The following GATAD2A variants were observed in gnomAD, a reference collection of about 807,000 sequenced individuals.
The protein encoded by GATAD2A is GATA zinc finger domain containing 2A, also known as transcriptional repressor p66-alpha.
Under a neutral mutation model 68.5 loss-of-function variants are expected in GATAD2A, and 12 were observed. That is an observed-to-expected ratio of 0.18 (90% CI 0.11 to 0.28). The LOEUF (loss-of-function observed/expected upper bound fraction) is 0.28. Among genes scored for constraint, GATAD2A ranks in the 10% least tolerant of loss-of-function variants. The probability of loss-of-function intolerance (pLI) is 1.00; values close to 1 mark genes in which losing one functional copy is unlikely to be tolerated. For synonymous variants in GATAD2A, 410 were observed against 375.3 expected (o/e 1.09, Z -1.07); for missense variants, 755 against 868.5 (o/e 0.87, Z 1.64).
chr19:19,430,339 T>A (rs577007449), intron 1 of GATAD2A, among the ~76,000 whole-genome samples: 1 of 152,260 alleles, frequency 6.6e-6, no homozygotes, highest in Admixed American at 6.5e-5. Context: ...TCTTTCCAGA[T>A]TGAGCTGGGG....
rs752614691 is a variant in GATAD2A, at chr19:19,505,486, C to G, written c.*12C>G. Reference sequence around the variant, plus strand: ...CCACGTGGAAATAGTGCGAGCCAGGCCCCGTGGAAGACGGGCTCCCTCCTC... The same window carrying G: ...CCACGTGGAAATAGTGCGAGCCAGGGCCCGTGGAAGACGGGCTCCCTCCTC... On this transcript the variant is annotated 3_prime_UTR_variant, in exon 12 of 12. Coordinates refer to ENST00000683918, the MANE Select transcript of GATAD2A (RefSeq NM_001384528.1). 2.6e-6 allele frequency: 4 copies of G among 1,565,618 alleles called. No individual in the cohort carries two copies. In the Admixed American group the frequency reaches 7.5e-5, roughly 29 times the overall value.
At chr19:19,491,464 G>C (rs759006781) in intron 2 of GATAD2A, among the ~76,000 whole-genome samples, 5 of 152,186 alleles carry the variant, frequency 3.3e-5, no homozygotes, top group Non-Finnish European at 5.9e-5. Context: ...CATGAGAACT[G>C]TCTCATGTTG....
chr19:19,466,538 A>G (rs2052841574), intron 2 of GATAD2A, among the ~76,000 whole-genome samples: 3 of 152,188 alleles, frequency 2.0e-5, no homozygotes, highest in South Asian at 2.1e-4. Context: ...CGTGTCAGCT[A>G]ACCCCACAGG....
chr19:19,471,375 G>GA (rs1251540094), intron 2 of GATAD2A, among the ~76,000 whole-genome samples: 1 of 152,058 alleles, frequency 6.6e-6, no homozygotes, highest in Non-Finnish European at 1.5e-5. Context: ...TAACATGGCT[G>GA]AATCTCAGAC....
chr19:19,393,948 G>A (rs895863987), intron 1 of GATAD2A, among the ~76,000 whole-genome samples: 5 of 151,418 alleles, frequency 3.3e-5, no homozygotes, highest in African/African-American at 7.3e-5. Context: ...GTGCAGTGGC[G>A]TGATCTTGGC....
chr19:19,502,298 G>C (rs1227905614), intron 10 of GATAD2A, 33 bp from the exon 11 acceptor site: 1 of 1,529,940 alleles, frequency 6.5e-7, no homozygotes, highest in African/African-American at 1.4e-5. Flanking sequence ...TCTTTTCCCT[G>C]CATGAGCCGT....
intron 1 of GATAD2A, among the ~76,000 whole-genome samples, chr19:19,448,877 G>A (rs556747875): frequency 6.6e-6 from 1 of 152,300 alleles, no homozygotes; most frequent in South Asian, 2.1e-4. Context: ...ACTTGGGGGT[G>A]AAGACAGGCT....
At position 19,502,332 on chromosome 19, in the gene GATAD2A, C is replaced by A; in HGVS notation, c.1580C>A (p.Ala527Asp). 1 of 1,607,280 alleles carries A rather than the reference C, an allele frequency of 6.2e-7. No homozygotes were observed. ...RDWSNGAVLQASSQLSRGSAT... is the reference protein window; with the variant it reads ...RDWSNGAVLQDSSQLSRGSAT... Reference sequence around the variant, plus strand: ...GTCACCCCCCTTTCTCCACTGCAGGCCTCCAGCCAGCTGTCCCGGGGTTCG... The same window carrying A: ...GTCACCCCCCTTTCTCCACTGCAGGACTCCAGCCAGCTGTCCCGGGGTTCG... Residue 527 changes from alanine to aspartate, a missense_variant and splice_region_variant, in exon 11 of 12, where the codon GCC becomes GAC. Transcript: ENST00000683918.
intron 1 of GATAD2A, chr19:19,429,230 C>G (rs2053451135): frequency 1.0e-6 from 1 of 985,202 alleles, no homozygotes; most frequent in African/African-American, 1.7e-5. Flanking sequence ...AAAGTTCCAG[C>G]ATCGTGGTCC....
upstream of GATAD2A, among the ~76,000 whole-genome samples, chr19:19,400,961 C>T (rs887292780): frequency 4.0e-5 from 6 of 151,696 alleles, no homozygotes; most frequent in East Asian, 2.0e-4. Context: ...GCTAACATGG[C>T]GAAACCCTGT....
chr19:19,466,176 T>C (rs751544636), intron 2 of GATAD2A, among the ~76,000 whole-genome samples: 1 of 152,222 alleles, frequency 6.6e-6, no homozygotes. Context: ...CAAGAGTGAC[T>C]TTCCTCATAT....
chr19:19,487,419 G>A (rs1352245470), intron 2 of GATAD2A, among the ~76,000 whole-genome samples: 2 of 151,922 alleles, frequency 1.3e-5, no homozygotes, highest in African/African-American at 2.4e-5. Flanking sequence ...GGGGAGGGAG[G>A]GCTCATCTTC....
At chr19:19,496,575 C>T (rs936312599) in intron 7 of GATAD2A, among the ~76,000 whole-genome samples, 9 of 152,204 alleles carry the variant, frequency 5.9e-5, no homozygotes, top group Admixed American at 3.9e-4. Context: ...CAGGAGAGGC[C>T]GGTGATGGGC....
chr19:19,420,177 GTTTTTTTT>G (rs71170684), intron 1 of GATAD2A, among the ~76,000 whole-genome samples: 9 of 89,922 alleles, frequency 1.0e-4, no homozygotes, highest in African/African-American at 1.3e-4. Flanking sequence ...TATCCAGCTA[GTTTTTTTT>G]TTTTTTTTTT....
At chr19:19,470,790 G>C (rs2058246901) in intron 2 of GATAD2A, among the ~76,000 whole-genome samples, 1 of 152,202 alleles carries the variant, frequency 6.6e-6, no homozygotes, top group Non-Finnish European at 1.5e-5. Context: ...AGGAGGAAGT[G>C]TAGAAACTGG....
rs148131345 is a variant in GATAD2A at position 19,396,743 on chromosome 19, A to G, written c.-7+10605A>G. Among the ~76,000 whole-genome samples the G allele has an allele frequency of 4.0e-5, 6 of 151,800 alleles. No individual in the cohort carries two copies. The East Asian group carries it at 9.7e-4, about 25-fold the overall frequency. ...TTCTTTTTTTTGAGACAGTCTCGCT[A>G]TGTTGCCCAGGCTGGAGTGCAATGG... On this transcript the variant is annotated intron_variant, in intron 1 of 11. Transcript: ENST00000360315.
chr19:19,448,620 C>T (rs1393541435), intron 1 of GATAD2A, among the ~76,000 whole-genome samples: 1 of 152,110 alleles, frequency 6.6e-6, no homozygotes, highest in Non-Finnish European at 1.5e-5. Context: ...TTCTGGGTAC[C>T]TGGGATTACA....
intron 2 of GATAD2A, among the ~76,000 whole-genome samples, chr19:19,485,050 T>C (rs1231171255): frequency 6.6e-6 from 1 of 152,212 alleles, no homozygotes; most frequent in African/African-American, 2.4e-5. Context: ...TTCCTAGAGC[T>C]GTTCTCATCT....
chr19:19,435,405 T>G (rs972955729), intron 1 of GATAD2A, among the ~76,000 whole-genome samples: 1 of 152,152 alleles, frequency 6.6e-6, no homozygotes, highest in Admixed American at 6.5e-5. Flanking sequence ...TGTATTTTTT[T>G]GTAGAGACAG....
Sources: gnomAD v4.1 joint callset for allele counts (sites outside exome capture counted in the v4.1 genomes callset) on GRCh38, gnomAD v4.1.1 for gene constraint, MANE v1.5 for transcripts, NCBI Gene and HGNC (gene_info 2026-07-23, HGNC 2026-07-21) for gene names.